SH3RF3: variants seen among roughly 807,000 people sequenced by gnomAD.
The protein encoded by SH3RF3 is SH3 domain containing ring finger 3.
In SH3RF3, 29 loss-of-function variants were observed where a neutral mutation model predicts 66.3. The ratio of observed to expected loss-of-function variants is 0.44; its 90% CI spans 0.33 to 0.60. The LOEUF (loss-of-function observed/expected upper bound fraction) is 0.60, where lower values mean the gene tolerates loss of function less well. Among genes scored for constraint, SH3RF3 ranks in the 20% least tolerant of loss-of-function variants. The pLI is 0.04. For synonymous variants in SH3RF3, 583 were observed against 532.0 expected, an observed-to-expected ratio of 1.10 and a Z score of -1.32; for missense variants, 1,194 against 1,190.9, an observed-to-expected ratio of 1.00 and a Z score of -0.04.
chr2:109,490,325 C>T (rs1392289412), intron 8 of SH3RF3, among the ~76,000 whole-genome samples: 6 of 152,066 alleles, frequency 3.9e-5, no homozygotes, highest in East Asian at 1.9e-4. Flanking sequence ...TTTGGTGTCC[C>T]GAAGCTCCAG....
chr2:109,243,183 T>C (rs1277300322), intron 1 of SH3RF3, among the ~76,000 whole-genome samples: 1 of 152,218 alleles, frequency 6.6e-6, no homozygotes, highest in African/African-American at 2.4e-5. Context: ...GAGGAAAGCT[T>C]CTTGAGGTCT....
chr2:109,327,031 T>C (rs1333767476), intron 1 of SH3RF3, among the ~76,000 whole-genome samples: 2 of 152,250 alleles, frequency 1.3e-5, no homozygotes, highest in African/African-American at 2.4e-5. Context: ...TTTTCCTTCG[T>C]ATTTAATGTC....
intron 1 of SH3RF3, among the ~76,000 whole-genome samples, chr2:109,163,465 C>T (rs1311418542): frequency 8.7e-6 from 1 of 115,444 alleles, no homozygotes; most frequent in Non-Finnish European, 1.6e-5. Flanking sequence ...GTGGCGGGAT[C>T]TCGGCTCACT....
At chr2:109,263,027 G>T (rs1355125555) in intron 1 of SH3RF3, among the ~76,000 whole-genome samples, 1 of 151,880 alleles carries the variant, frequency 6.6e-6, no homozygotes, top group Non-Finnish European at 1.5e-5. Flanking sequence ...TGTATTTTTG[G>T]TAGAGACAGG....
chr2:109,141,193 A>G (rs527925599), intron 1 of SH3RF3, among the ~76,000 whole-genome samples: 1 of 152,156 alleles, frequency 6.6e-6, no homozygotes, highest in East Asian at 1.9e-4. Flanking sequence ...CCTTCTGTGC[A>G]GTTTCTGGCT....
intron 9 of SH3RF3, 116 bp downstream of exon 9, chr2:109,491,052 T>C: frequency 6.1e-6 from 6 of 985,906 alleles, no homozygotes; most frequent in Non-Finnish European, 5.5e-6. Context: ...TTACCAGATG[T>C]ACCTCAACAC....
At chr2:109,238,557 G>A (rs1033202781) in intron 1 of SH3RF3, among the ~76,000 whole-genome samples, 1 of 151,606 alleles carries the variant, frequency 6.6e-6, no homozygotes, top group African/African-American at 2.4e-5. Context: ...TGCGATCTCT[G>A]CTGGAAACTG....
chr2:109,453,751 A>G (rs1677956126), intron 8 of SH3RF3, among the ~76,000 whole-genome samples: 1 of 152,206 alleles, frequency 6.6e-6, no homozygotes, highest in Non-Finnish European at 1.5e-5. Context: ...TAAACAGGCG[A>G]TTGATTGCAG....
At chr2:109,130,280 G>C (rs941609497) in intron 1 of SH3RF3, among the ~76,000 whole-genome samples, 167 bp downstream of exon 1, 3 of 152,198 alleles carry the variant, frequency 2.0e-5, no homozygotes, top group Non-Finnish European at 2.9e-5. Context: ...GGCGGCATCC[G>C]GCCCCTGGGC....
At chr2:109,325,794 C>A (rs1247002780) in intron 1 of SH3RF3, among the ~76,000 whole-genome samples, 1 of 152,212 alleles carries the variant, frequency 6.6e-6, no homozygotes, top group Non-Finnish European at 1.5e-5. Context: ...CTGCTGCACC[C>A]TCCTTATTAC....
intron 1 of SH3RF3, among the ~76,000 whole-genome samples, chr2:109,326,232 A>C (rs920590125): frequency 6.6e-6 from 1 of 152,202 alleles, no homozygotes; most frequent in African/African-American, 2.4e-5. Flanking sequence ...CCAACAAGGA[A>C]TCAGCTGTGT....
chr2:109,448,011 C>T lies in SH3RF3; in HGVS notation c.1829-1159C>T, dbSNP rs907536919. Among the ~76,000 whole-genome samples, 7 of 152,160 alleles carry T rather than the reference C, an allele frequency of 4.6e-5. 1 individual carries two copies. In the South Asian group the frequency reaches 8.3e-4, roughly 18 times the overall value. On this transcript the variant is annotated intron_variant, in intron 7 of 9. Coordinates refer to ENST00000309415, the MANE Select transcript of SH3RF3 (RefSeq NM_001099289.3). ...TCCTCCAGGCTGCTGCTGGGAGAAA[C>T]GTCTGCTGCTTTCTTCCTGCAATTG...
intron 1 of SH3RF3, among the ~76,000 whole-genome samples, chr2:109,180,797 T>TC (rs1361219969): frequency 3.9e-5 from 6 of 152,198 alleles, no homozygotes; most frequent in African/African-American, 1.4e-4. Context: ...CTCTGGTATG[T>TC]CTATCAGCAG....
At chr2:109,241,105 C>A (rs1395830707) in intron 1 of SH3RF3, among the ~76,000 whole-genome samples, 1 of 152,162 alleles carries the variant, frequency 6.6e-6, no homozygotes, top group East Asian at 1.9e-4. Context: ...GAATGAGAAG[C>A]TTCATTGTCT....
chr2:109,133,908 C>T (rs1676756759), intron 1 of SH3RF3, among the ~76,000 whole-genome samples: 1 of 152,114 alleles, frequency 6.6e-6, no homozygotes, highest in African/African-American at 2.4e-5. Flanking sequence ...GCTGTAGTCT[C>T]TGGTGGGTGT....
At chr2:109,163,698 C>T (rs187752704) in intron 1 of SH3RF3, among the ~76,000 whole-genome samples, 5 of 152,272 alleles carry the variant, frequency 3.3e-5, no homozygotes, top group South Asian at 2.1e-4. Context: ...CGCGCCTGGC[C>T]GCAAATATTC....
At chr2:109,496,345 T>A (rs896140622) in intron 9 of SH3RF3, among the ~76,000 whole-genome samples, 40 of 152,204 alleles carry the variant, frequency 2.6e-4, no homozygotes, top group Non-Finnish European at 2.5e-4. Context: ...TCTTGCTAGC[T>A]ACAGAGTGCT....
intron 1 of SH3RF3, among the ~76,000 whole-genome samples, chr2:109,194,402 A>T (rs1189927131): frequency 6.6e-6 from 1 of 151,954 alleles, no homozygotes; most frequent in Non-Finnish European, 1.5e-5. Flanking sequence ...CTGGGCCTCA[A>T]CCCCTGCCAT....
At chr2:109,367,121 T>G (rs1683165487) in intron 2 of SH3RF3, among the ~76,000 whole-genome samples, 1 of 75,586 alleles carries the variant, frequency 1.3e-5, no homozygotes, top group African/African-American at 7.7e-5. Flanking sequence ...CCCTGGTAAT[T>G]TTTTTTTTTT....
Sources: gnomAD v4.1 joint callset for allele counts (sites outside exome capture counted in the v4.1 genomes callset) on GRCh38, gnomAD v4.1.1 for gene constraint, MANE v1.5 for transcripts, NCBI Gene and HGNC (gene_info 2026-07-23, HGNC 2026-07-21) for gene names.